The following FOXI3 variants were observed in gnomAD, a reference collection of about 807,000 sequenced individuals.
FOXI3 encodes forkhead box protein I3.
FOXI3 carries 4 observed loss-of-function variants against 15.6 expected under a neutral mutation model. The observed-to-expected ratio is 0.26, with a 90% CI of 0.13 to 0.59. FOXI3 has a LOEUF of 0.59. Among genes scored for constraint, FOXI3 ranks in the 20% least tolerant of loss-of-function variants. The probability of loss-of-function intolerance (pLI) is 0.90; values close to 1 mark genes in which losing one functional copy is unlikely to be tolerated. For missense variants in FOXI3, 489 were observed against 548.2 expected (o/e 0.89, Z 1.08); for synonymous variants, 238 against 244.4 (o/e 0.97, Z 0.25).
At position 88,448,496 on chromosome 2, in the gene FOXI3, C is replaced by T. The variant is rs752765058; in HGVS notation, c.974G>A (p.Ser325Asn). ...AGCCCGCTGGGTACTCACACTGCTG[C>T]TGACACTCAAGGAGCTGAGGCTGCT... Reference protein sequence around the residue: ...FFSSLSSLSVSSSVSTQRALP... With the variant: ...FFSSLSSLSVNSSVSTQRALP... The change falls in exon 2 of 2, where the codon AGC becomes AAC. Residue 325 changes from serine to asparagine, a missense_variant. Coordinates refer to ENST00000428390, the MANE Select transcript of FOXI3 (RefSeq NM_001135649.3). 94 of 1,551,610 alleles carry T rather than the reference C, an allele frequency of 6.1e-5. No homozygotes were observed. Among genetic ancestry groups the T allele is most frequent in the Non-Finnish European group, 8.0e-5 (92 of 1,147,008 alleles).
rs143669933 is a variant in FOXI3, at chr2:88,447,130, A to G, written c.*1077T>C. 46 of 152,368 alleles carry G rather than the reference A, an allele frequency of 3.0e-4. 1 individual carries two copies. The East Asian group carries it at 8.5e-3, about 28-fold the overall frequency. The allele number at this position is 152,368 out of a possible 1,614,324, so 9.4% of individuals were successfully genotyped here. A position where few individuals can be genotyped will look rare whatever the true frequency, so the allele number is the denominator to read the frequency against. Reference sequence around the variant, plus strand: ...TTCCCTTACATGGAAAATGGGGGGTAGTAACAATACCCACCACCCAAGGTT... The same window carrying G: ...TTCCCTTACATGGAAAATGGGGGGTGGTAACAATACCCACCACCCAAGGTT... On this transcript the variant is annotated 3_prime_UTR_variant, in exon 2 of 2. Coordinates refer to ENST00000428390, the MANE Select transcript of FOXI3 (RefSeq NM_001135649.3).
chr2:88,447,642 G>A lies in FOXI3; in HGVS notation c.*565C>T, dbSNP rs569711988. ...GAATTGCTTGAACCCAGGAGGCGGA[G>A]GTTGCAGCACCACTGCACTCCAGCC... is the stretch of plus-strand genomic sequence containing the variant. On this transcript the variant is annotated 3_prime_UTR_variant, in exon 2 of 2. Coordinates refer to ENST00000428390, the MANE Select transcript of FOXI3 (RefSeq NM_001135649.3). 6.5e-6 allele frequency: 1 copy of A among 154,684 alleles called. No individual in the cohort carries two copies. The highest frequency in any genetic ancestry group is 2.4e-5 in the African/African-American group (1 of 41,570). The allele number at this position is 154,684 out of a possible 1,614,324, so 9.6% of individuals were successfully genotyped here.
intron 1 of FOXI3, among the ~76,000 whole-genome samples, chr2:88,450,922 T>C (rs1316896889): frequency 6.6e-6 from 1 of 152,222 alleles, no homozygotes; most frequent in African/African-American, 2.4e-5. Context: ...GTTTGTATCG[T>C]ATTTCCATTG....
Position 88,448,816 on chromosome 2 carries a change from A to G in FOXI3, c.654T>C (p.Tyr218=). The G allele has an allele frequency of 1.9e-6, 3 of 1,550,540 alleles. No individual in the cohort carries two copies. The highest frequency in any genetic ancestry group is 2.6e-6 in the Non-Finnish European group (3 of 1,146,224). The part of the protein sequence containing the change: ...RDEDDPGKGN[Y]WTLDPNCEKM... ...TCTCGCAGTTCGGATCAAGAGTCCA[A>G]TAATTACCCTTTCCTGAGAAGATGA... The change falls in exon 2 of 2, where the codon TAT becomes TAC. Residue 218 remains tyrosine (Y), a synonymous_variant. Transcript: ENST00000428390.
At chr2:88,451,548 TGA>T (rs1233575997) in intron 1 of FOXI3, among the ~76,000 whole-genome samples, 1 of 152,234 alleles carries the variant, frequency 6.6e-6, no homozygotes, top group African/African-American at 2.4e-5. Context: ...ATCCCTTATC[TGA>T]GAGCTCCCTT....
intron 1 of FOXI3, among the ~76,000 whole-genome samples, chr2:88,450,118 A>ACCAC (rs149228449): frequency 0.03 from 4,552 of 151,020 alleles, 67 homozygotes; most frequent in East Asian, 0.05. Flanking sequence ...ACAGGAGTAT[A>ACCAC]CCACTATGAA....
At position 88,448,583 on chromosome 2, in the gene FOXI3, C is replaced by T. The variant is rs750794270; in HGVS notation, c.887G>A (p.Ser296Asn). 1.3e-6 allele frequency: 2 copies of T among 1,551,178 alleles called. No individual in the cohort carries two copies. The highest frequency in any genetic ancestry group is 2.4e-5 in the South Asian group (2 of 84,048). Reference protein sequence around the residue: ...HSPEPPEGTKSTASSPGGPML... With the variant: ...HSPEPPEGTKNTASSPGGPML... ...GGGTCCTCCAGGAGATGAGGCAGTA[C>T]TCTTGGTGCCCTCCGGAGGCTCTGG... is the stretch of plus-strand genomic sequence containing the variant. The change falls in exon 2 of 2, where the codon AGT becomes AAT. Residue 296 changes from serine (S) to asparagine (N), a missense_variant. Coordinates refer to ENST00000428390, the MANE Select transcript of FOXI3 (RefSeq NM_001135649.3).
chr2:88,450,383 C>T (rs1676021283), intron 1 of FOXI3, among the ~76,000 whole-genome samples: 1 of 151,038 alleles, frequency 6.6e-6, no homozygotes, highest in Non-Finnish European at 1.5e-5. Context: ...TGAGATTGCG[C>T]CACTGCACTC....
At position 88,448,292 on chromosome 2, in the gene FOXI3, C is replaced by T. The variant is rs1255080373; in HGVS notation, c.1178G>A (p.Gly393Glu). ...AGGGCTGCTGAAGGGGCTGCTTTGC[C>T]CCCCGCTGGTGCTGGCAGGGAAAGG... is the stretch of plus-strand genomic sequence containing the variant. The part of the protein sequence containing the change: ...YSPFPASTSG[G>E]QSSPFSSPFH... Residue 393 changes from glycine (G) to glutamate (E), a missense_variant, in exon 2 of 2, where the codon GGG (glycine) becomes GAG (glutamate). Around this residue, in one of 3 missense-constraint regions of FOXI3, gnomAD observed 263 missense variants for 285.5 expected, o/e 0.92. Transcript: ENST00000428390. 5.8e-6 allele frequency: 9 copies of T among 1,551,486 alleles called. No homozygotes were observed. In the African/African-American group the frequency reaches 6.8e-5, roughly 12 times the overall value.
intron 1 of FOXI3, among the ~76,000 whole-genome samples, chr2:88,449,850 T>C (rs1676012070): frequency 1.3e-5 from 2 of 152,202 alleles, no homozygotes; most frequent in African/African-American, 2.4e-5. Flanking sequence ...CTTCCACTTT[T>C]CAGATAGGAG....
In FOXI3 at chr2:88,448,491, T is replaced by C. The variant is rs1049826589; in HGVS notation, c.979A>G (p.Ser327Gly). Residue 327 changes from serine to glycine, a missense_variant, in exon 2 of 2, where the codon AGT (serine) becomes GGT (glycine). Ser to Gly is a moderately conservative substitution (Grantham distance 56). Around this residue, in one of 3 missense-constraint regions of FOXI3, gnomAD observed 263 missense variants for 285.5 expected, o/e 0.92. Transcript: ENST00000428390. ...GGGAGAGCCCGCTGGGTACTCACAC[T>C]GCTGCTGACACTCAAGGAGCTGAGG... ...SSLSSLSVSS[S>G]VSTQRALPGS... The C allele has an allele frequency of 1.3e-6, 2 of 1,551,586 alleles. No individual in the cohort carries two copies. Among genetic ancestry groups the C allele is most frequent in the African/African-American group, 1.4e-5 (1 of 73,046 alleles).
chr2:88,448,489 A>G lies in FOXI3; in HGVS notation c.981T>C (p.Ser327=). ...CAGGGAGAGCCCGCTGGGTACTCAC[A>G]CTGCTGCTGACACTCAAGGAGCTGA... is the stretch of plus-strand genomic sequence containing the variant. The part of the protein sequence containing the change: ...SSLSSLSVSS[S]VSTQRALPGS... The change falls in exon 2 of 2, where the codon AGT becomes AGC. Residue 327 remains serine (S), a synonymous_variant. Coordinates refer to ENST00000428390, the MANE Select transcript of FOXI3 (RefSeq NM_001135649.3). 1.3e-6 allele frequency: 2 copies of G among 1,551,718 alleles called. No individual in the cohort carries two copies. Among genetic ancestry groups the G allele is most frequent in the South Asian group, 2.4e-5 (2 of 84,062 alleles).
In FOXI3 at chr2:88,452,435, C is replaced by T; in HGVS notation, c.101G>A (p.Arg34Lys). ...GTAGTCGGCCAGCCCGTAAGGCGCC[C>T]TGGCTGCCGGGGGGGCGCCCGGGGC... ...AAAPGAPPAA[R>K]APYGLADYAA... Residue 34 changes from arginine to lysine, a missense_variant, in exon 1 of 2, where the codon AGG becomes AAG. By Grantham distance (26) the Arg-to-Lys change is conservative. Transcript: ENST00000428390. 9.7e-7 allele frequency: 1 copy of T among 1,034,486 alleles called. No homozygotes were observed. Among genetic ancestry groups the T allele is most frequent in the Non-Finnish European group, 1.2e-6 (1 of 864,186 alleles). The allele number at this position is 1,034,486 out of a possible 1,614,324, so 64.1% of individuals were successfully genotyped here. A position where few individuals can be genotyped will look rare whatever the true frequency, so the allele number is the denominator to read the frequency against.
At chr2:88,450,244 T>C (rs943399302) in intron 1 of FOXI3, among the ~76,000 whole-genome samples, 2 of 152,078 alleles carry the variant, frequency 1.3e-5, no homozygotes, top group Non-Finnish European at 2.9e-5. Flanking sequence ...CCAGCCTGGA[T>C]AACATGGGAA....
Position 88,451,837 on chromosome 2 carries a change from G to A in FOXI3, c.640+59C>T, listed in dbSNP as rs772711425. On this transcript the variant is annotated intron_variant, in intron 1 of 1. Coordinates refer to ENST00000428390, the MANE Select transcript of FOXI3 (RefSeq NM_001135649.3). ...CCAGCCGCACACCGACCCCTGCGCC[G>A]GCCCTTGCGACCCGCGTCCGCCCTC... 9.4e-5 allele frequency: 147 copies of A among 1,567,782 alleles called. 1 individual carries two copies. The highest frequency in any genetic ancestry group is 5.6e-4 in the South Asian group (48 of 85,958).
rs372022603 is a variant in FOXI3, at chr2:88,448,382, G to A, written c.1088C>T (p.Ala363Val). 5.8e-6 allele frequency: 9 copies of A among 1,551,596 alleles called. No individual in the cohort carries two copies. In the African/African-American group the frequency reaches 8.2e-5, roughly 14 times the overall value. ...FSPTSISEAS[A>V]DTLQLSNSTS... ...GCTATTGCTCAGTTGCAAGGTGTCT[G>A]CTGAGGCCTCTGAGATGGAGGTCGG... is the stretch of plus-strand genomic sequence containing the variant. The change falls in exon 2 of 2, where the codon GCA becomes GTA. Residue 363 changes from alanine to valine, a missense_variant. This residue lies in a region of FOXI3 where 263 missense variants were observed against 285.5 expected (regional missense o/e 0.92). Coordinates refer to ENST00000428390, the MANE Select transcript of FOXI3 (RefSeq NM_001135649.3).
chr2:88,449,156 G>A (rs1039197783), intron 1 of FOXI3, among the ~76,000 whole-genome samples: 3 of 151,286 alleles, frequency 2.0e-5, no homozygotes, highest in African/African-American at 7.3e-5. Flanking sequence ...ACCTTGCAAA[G>A]TCATGGAATT....
chr2:88,451,984 G>T lies in FOXI3; in HGVS notation c.552C>A (p.Arg184=). The part of the protein sequence containing the change: ...FVADSFPFYQ[R]SKAGWQNSIR... ...TGGAGTTCTGCCAGCCGGCCTTGCTGCGCTGGTAGAAGGGGAAGCTATCGG... is the reference window on the plus strand; with the variant it reads ...TGGAGTTCTGCCAGCCGGCCTTGCTTCGCTGGTAGAAGGGGAAGCTATCGG... The change falls in exon 1 of 2, where the codon CGC becomes CGA. Residue 184 remains arginine, a synonymous_variant. Transcript: ENST00000428390. 3 of 1,612,520 alleles carry T rather than the reference G, an allele frequency of 1.9e-6. No individual in the cohort carries two copies. Among genetic ancestry groups the T allele is most frequent in the Non-Finnish European group, 2.5e-6 (3 of 1,179,314 alleles).
rs1675988117 is a variant in FOXI3 at position 88,448,552 on chromosome 2, G to C, written c.918C>G (p.Leu306=). ...AAGTGTTGAGACAAGGGGTGGAGGT[G>C]AGCATGGGTCCTCCAGGAGATGAGG... The part of the protein sequence containing the change: ...STASSPGGPM[L]TSTPCLNTFF... Residue 306 remains leucine (L), a synonymous_variant, in exon 2 of 2, where the codon CTC becomes CTG. Coordinates refer to ENST00000428390, the MANE Select transcript of FOXI3 (RefSeq NM_001135649.3). The C allele has an allele frequency of 6.4e-7, 1 of 1,551,662 alleles. No homozygotes were observed. The highest frequency in any genetic ancestry group is 8.7e-7 in the Non-Finnish European group (1 of 1,146,984).
Sources: gnomAD v4.1 joint callset for allele counts (sites outside exome capture counted in the v4.1 genomes callset) on GRCh38, gnomAD v4.1.1 for gene constraint, gnomAD v4.1.1 regional missense constraint, MANE v1.5 for transcripts, NCBI Gene and HGNC (gene_info 2026-07-23, HGNC 2026-07-21) for gene names.